Variants in OXR1 observed in about 807,000 individuals in gnomAD.
The protein encoded by OXR1 is oxidation resistance protein 1.
In OXR1, 41 loss-of-function variants were observed where a neutral mutation model predicts 104.6. The ratio of observed to expected loss-of-function variants is 0.39; its 90% CI spans 0.31 to 0.51. The LOEUF (loss-of-function observed/expected upper bound fraction) is 0.51, where lower values mean the gene tolerates loss of function less well. OXR1 is among the 20% of genes least tolerant of loss of function. The pLI, the probability that OXR1 is intolerant of heterozygous loss-of-function variation, is 0.77. For synonymous variants in OXR1, 348 were observed against 348.4 expected (o/e 1.00, Z 0.01); for missense variants, 955 against 1,031.9 (o/e 0.93, Z 1.02).
At chr8:106,667,428 A>T (rs1190950379) in intron 3 of OXR1, among the ~76,000 whole-genome samples, 1 of 152,186 alleles carries the variant, frequency 6.6e-6, no homozygotes, top group Non-Finnish European at 1.5e-5. Context: ...ATGCAAGTTA[A>T]TAAAAGAAAT....
At chr8:106,731,724 T>C (rs367679037) in intron 11 of OXR1, among the ~76,000 whole-genome samples, 1 of 152,212 alleles carries the variant, frequency 6.6e-6, no homozygotes, top group African/African-American at 2.4e-5. Context: ...TTCTGAGTGT[T>C]TTATTGTGTA....
intron 2 of OXR1, among the ~76,000 whole-genome samples, chr8:106,451,814 T>G (rs1427938853): frequency 6.6e-6 from 1 of 152,204 alleles, no homozygotes; most frequent in Non-Finnish European, 1.5e-5. Context: ...TTTTTTAAAA[T>G]AAGAATATTC....
chr8:106,657,848 C>A (rs960590063), intron 3 of OXR1: 2 of 1,239,244 alleles, frequency 1.6e-6, no homozygotes, highest in Non-Finnish European at 1.0e-6. Flanking sequence ...CCCCCTCCTC[C>A]TCCCCGCCTC....
intron 2 of OXR1, among the ~76,000 whole-genome samples, chr8:106,504,415 T>G (rs1459501485): frequency 1.3e-5 from 2 of 152,168 alleles, no homozygotes; most frequent in Non-Finnish European, 2.9e-5. Context: ...TAAGCTTATC[T>G]TAGGTGAAGT....
intron 3 of OXR1, among the ~76,000 whole-genome samples, chr8:106,657,179 TGCCTAAAC>T: frequency 6.6e-6 from 1 of 152,136 alleles, no homozygotes. Flanking sequence ...TCAATAACGT[TGCCTAAAC>T]AGGACTGGGA....
At chr8:106,583,516 G>C (rs959462515) in intron 3 of OXR1, among the ~76,000 whole-genome samples, 16 of 152,114 alleles carry the variant, frequency 1.1e-4, no homozygotes, top group Non-Finnish European at 4.4e-5. Flanking sequence ...CAACCATTAA[G>C]GTCTGTTCCA....
Position 106,703,112 on chromosome 8 carries a change from C to T in OXR1, c.860+22C>T, listed in dbSNP as rs369978525. The T allele has an allele frequency of 1.3e-5, 20 of 1,515,276 alleles. No individual in the cohort carries two copies. The African/African-American group carries it at 2.2e-4, about 17-fold the overall frequency. 93.9% of individuals were successfully genotyped at this position (1,515,276 alleles called of 1,614,324 possible). ...CCATGTAAGAGTGATATTTATATTC[C>T]TTTGCAACTTTATTGTATCTAGATA... On this transcript the variant is annotated intron_variant, in intron 8 of 16. Coordinates refer to ENST00000517566, the MANE Select transcript of OXR1 (RefSeq NM_001198533.2).
At chr8:106,462,402 C>T (rs551346393) in intron 2 of OXR1, among the ~76,000 whole-genome samples, 27 of 152,236 alleles carry the variant, frequency 1.8e-4, no homozygotes, top group African/African-American at 4.3e-4. Context: ...TTTTTCACCT[C>T]TGTTTAAATC....
At chr8:106,497,189 G>C (rs1034777643) in intron 2 of OXR1, among the ~76,000 whole-genome samples, 1 of 152,110 alleles carries the variant, frequency 6.6e-6, no homozygotes, top group African/African-American at 2.4e-5. Context: ...ACTTAACATG[G>C]GGCAGTTTAG....
intron 2 of OXR1, among the ~76,000 whole-genome samples, chr8:106,492,655 G>A (rs950747122): frequency 3.9e-5 from 6 of 152,148 alleles, no homozygotes; most frequent in African/African-American, 1.4e-4. Flanking sequence ...AACATTGTCT[G>A]CTTACTGTCT....
rs541410301 is a variant in OXR1 at position 106,658,070 on chromosome 8, C to T, written c.221-21140C>T. On this transcript the variant is annotated intron_variant, in intron 3 of 16. Transcript: ENST00000517566. The stretch of plus-strand genomic sequence containing the variant: ...ACCGCCTGTTGGGGTTCGGGGGCGG[C>T]GGCGAAGCCCGGCAGGTGCGCTTCG... The T allele has an allele frequency of 3.0e-5, 38 of 1,248,408 alleles. No individual in the cohort carries two copies. In the Middle Eastern group the frequency reaches 3.1e-3, roughly 102 times the overall value. The allele number at this position is 1,248,408 out of a possible 1,614,324, so 77.3% of individuals were successfully genotyped here.
chr8:106,395,917 A>G (rs1817759714), intron 2 of OXR1, among the ~76,000 whole-genome samples: 1 of 152,046 alleles, frequency 6.6e-6, no homozygotes, highest in African/African-American at 2.4e-5. Flanking sequence ...GTGCTCAAAA[A>G]AAGAAAAGAA....
chr8:106,745,910 A>G, intron 16 of OXR1, 48 bp downstream of exon 16: 2 of 977,176 alleles, frequency 2.0e-6, no homozygotes, highest in Non-Finnish European at 3.2e-6. Context: ...GAACTTTAAA[A>G]ATGCATTTGG....
intron 7 of OXR1, among the ~76,000 whole-genome samples, chr8:106,694,524 AAT>A (rs1221501831): frequency 7.5e-6 from 1 of 132,556 alleles, no homozygotes. Context: ...TTGATATATA[AAT>A]ATGTTTATAT....
intron 3 of OXR1, among the ~76,000 whole-genome samples, chr8:106,579,782 A>T (rs909045457): frequency 6.6e-6 from 1 of 151,974 alleles, no homozygotes; most frequent in African/African-American, 2.4e-5. Context: ...TTGATTTCAT[A>T]TAATTGAGCC....
chr8:106,730,523 T>C (rs773716437), intron 11 of OXR1, among the ~76,000 whole-genome samples: 1 of 152,186 alleles, frequency 6.6e-6, no homozygotes, highest in African/African-American at 2.4e-5. Context: ...TTAGCAATTT[T>C]TATTTAAGAC....
At position 106,402,876 on chromosome 8, in the gene OXR1, AG is replaced by A. The variant is rs559471642; in HGVS notation, c.23+43241del. On this transcript the variant is annotated intron_variant, in intron 2 of 16. Transcript: ENST00000517566. ...CGCTCTGTCGCCCAGACTGGAGTGC[AG>A]TGGCACAATCTCAGCTCACCACAAG... 1.5e-3 allele frequency among the ~76,000 whole-genome samples: 230 copies of A among 151,982 alleles called. 1 individual carries two copies. Among genetic ancestry groups the A allele is most frequent in the African/African-American group, 5.4e-3 (222 of 41,448 alleles).
At chr8:106,381,906 A>G (rs768733699) in intron 2 of OXR1, among the ~76,000 whole-genome samples, 1 of 152,214 alleles carries the variant, frequency 6.6e-6, no homozygotes, top group Non-Finnish European at 1.5e-5. Flanking sequence ...TGGCATATAA[A>G]AGTGGGAAAT....
At chr8:106,506,547 A>G (rs2129993261) in intron 2 of OXR1, among the ~76,000 whole-genome samples, 1 of 152,220 alleles carries the variant, frequency 6.6e-6, no homozygotes, top group Admixed American at 6.5e-5. Context: ...CAGGAGGCGG[A>G]GCTTGCAGTG....
Sources: allele counts gnomAD v4.1 joint callset (sites outside exome capture counted in the v4.1 genomes callset), GRCh38; gene constraint gnomAD v4.1.1; transcripts MANE v1.5; gene names NCBI Gene and HGNC (gene_info 2026-07-23, HGNC 2026-07-21).